The following SORCS1 variants were observed in gnomAD, a reference collection of about 807,000 sequenced individuals.
SORCS1 encodes VPS10 domain-containing receptor SorCS1.
Under a neutral mutation model 146.1 loss-of-function variants are expected in SORCS1, and 60 were observed. The observed-to-expected ratio is 0.41, with a 90% confidence interval of 0.33 to 0.51. The LOEUF (loss-of-function observed/expected upper bound fraction) is 0.51, where lower values mean the gene tolerates loss of function less well. Among genes scored for constraint, SORCS1 ranks in the 20% least tolerant of loss-of-function variants. The probability of loss-of-function intolerance (pLI) is 0.21; values close to 1 mark genes in which losing one functional copy is unlikely to be tolerated. For synonymous variants in SORCS1, 637 were observed against 584.0 expected (o/e 1.09, Z -1.31); for missense variants, 1,352 against 1,487.6 (o/e 0.91, Z 1.50).
At chr10:107,152,021 C>A (rs563985862) in intron 1 of SORCS1, among the ~76,000 whole-genome samples, 28 of 152,166 alleles carry the variant, frequency 1.8e-4, no homozygotes, top group Non-Finnish European at 3.2e-4. Context: ...GGACCAGGCC[C>A]AGAACCCACT....
chr10:107,006,439 C>G (rs1435386153), intron 1 of SORCS1, among the ~76,000 whole-genome samples: 1 of 152,092 alleles, frequency 6.6e-6, no homozygotes, highest in Non-Finnish European at 1.5e-5. Flanking sequence ...GTGAAAGAAC[C>G]CCAGAAGGGT....
intron 1 of SORCS1, among the ~76,000 whole-genome samples, chr10:107,014,672 T>C (rs1957824988): frequency 6.6e-6 from 1 of 152,170 alleles, no homozygotes; most frequent in Non-Finnish European, 1.5e-5. Flanking sequence ...AATTTAAAAA[T>C]GCTGGAGGTG....
rs142989939 is a variant in SORCS1 at position 106,591,104 on chromosome 10, T to C, written c.3265+6247A>G. 3.3e-4 allele frequency among the ~76,000 whole-genome samples: 50 copies of C among 152,286 alleles called. No homozygotes were observed. The East Asian group carries it at 7.3e-3, about 22-fold the overall frequency. ...GTGTGCAGTCCAAGGTACGTGACCA[T>C]GAGCTATGCCATGAAGTGAAGCTGC... On this transcript the variant is annotated intron_variant, in intron 24 of 25. Coordinates refer to ENST00000263054, the MANE Select transcript of SORCS1 (RefSeq NM_052918.5).
intron 5 of SORCS1, among the ~76,000 whole-genome samples, chr10:106,759,991 T>C (rs528963306): frequency 6.6e-6 from 1 of 152,292 alleles, no homozygotes; most frequent in East Asian, 1.9e-4. Flanking sequence ...TCTATCTATA[T>C]ATGTTAGGGA....
chr10:106,794,695 G>T (rs917147393), intron 3 of SORCS1, among the ~76,000 whole-genome samples: 4 of 151,918 alleles, frequency 2.6e-5, no homozygotes, highest in African/African-American at 9.7e-5. Context: ...AGTAGAGACG[G>T]GTTTTCACCG....
At chr10:106,781,203 A>G (rs1860868566) in intron 3 of SORCS1, among the ~76,000 whole-genome samples, 1 of 152,146 alleles carries the variant, frequency 6.6e-6, no homozygotes, top group South Asian at 2.1e-4. Flanking sequence ...TTTCCTAGAT[A>G]TGCTGTTCTT....
chr10:106,957,102 T>A (rs1457954005), intron 1 of SORCS1, among the ~76,000 whole-genome samples: 5 of 152,060 alleles, frequency 3.3e-5, no homozygotes, highest in Non-Finnish European at 7.4e-5. Flanking sequence ...AAAGAATTGC[T>A]GTTTGAAGTT....
intron 18 of SORCS1, among the ~76,000 whole-genome samples, chr10:106,639,749 T>C (rs1483563420): frequency 1.3e-5 from 2 of 152,184 alleles, no homozygotes; most frequent in East Asian, 3.9e-4. Flanking sequence ...GAGAAAACAG[T>C]TGAGGCATCT....
chr10:106,701,838 A>G (rs1437421736), intron 8 of SORCS1, among the ~76,000 whole-genome samples: 1 of 152,212 alleles, frequency 6.6e-6, no homozygotes, highest in Non-Finnish European at 1.5e-5. Context: ...TAGGTCCCCC[A>G]TGGAGTGGTG....
chr10:106,850,295 G>A (rs987584793), intron 2 of SORCS1, among the ~76,000 whole-genome samples: 3 of 152,176 alleles, frequency 2.0e-5, no homozygotes, highest in East Asian at 1.9e-4. Context: ...GTGGTGCGCC[G>A]TGTTTTAAGC....
At position 106,626,512 on chromosome 10, in the gene SORCS1, C is replaced by T. The variant is rs118123910; in HGVS notation, c.2662+2690G>A. Among the ~76,000 whole-genome samples, 91 of 152,312 alleles carry T rather than the reference C, an allele frequency of 6.0e-4. 1 individual carries two copies. The East Asian group carries it at 0.015, about 25-fold the overall frequency. ...CCATATCATGGCACTTTGGCATCCA[C>T]AGTCACTCATGACACCCTCCATCTT... is the stretch of plus-strand genomic sequence containing the variant. On this transcript the variant is annotated intron_variant, in intron 19 of 25. Transcript: ENST00000263054.
chr10:106,579,162 G>C (rs1844745420), intron 25 of SORCS1: 1 of 1,613,900 alleles, frequency 6.2e-7, no homozygotes, highest in Non-Finnish European at 8.5e-7. Context: ...AGGGACATTG[G>C]GCCTGCTTTC....
chr10:106,836,331 G>A (rs1017291302), intron 2 of SORCS1, among the ~76,000 whole-genome samples: 57 of 151,916 alleles, frequency 3.8e-4, no homozygotes, highest in African/African-American at 2.4e-4. Context: ...AAAATTAGCC[G>A]GGCATGGTGG....
intron 1 of SORCS1, among the ~76,000 whole-genome samples, chr10:107,063,725 A>G (rs1961459654): frequency 6.6e-6 from 1 of 152,206 alleles, no homozygotes; most frequent in Non-Finnish European, 1.5e-5. Context: ...TATGTTTAAC[A>G]ATTTATATGA....
chr10:106,690,043 C>T (rs755208934), intron 9 of SORCS1, among the ~76,000 whole-genome samples: 23 of 152,172 alleles, frequency 1.5e-4, no homozygotes, highest in Non-Finnish European at 2.6e-4. Flanking sequence ...TCAGTAGCAG[C>T]CAGACCAACT....
intron 5 of SORCS1, among the ~76,000 whole-genome samples, chr10:106,747,981 TTCAC>T (rs1857867076): frequency 1.3e-5 from 2 of 152,240 alleles, no homozygotes; most frequent in Non-Finnish European, 2.9e-5. Context: ...TCCTACATTT[TTCAC>T]TCACTCAGAA....
intron 1 of SORCS1, among the ~76,000 whole-genome samples, chr10:106,980,841 T>C (rs1477323607): frequency 6.6e-6 from 1 of 152,238 alleles, no homozygotes; most frequent in African/African-American, 2.4e-5. Context: ...TCACATGCTG[T>C]CAATAATTCA....
At chr10:106,861,584 T>C (rs1321954999) in intron 2 of SORCS1, among the ~76,000 whole-genome samples, 1 of 151,900 alleles carries the variant, frequency 6.6e-6, no homozygotes, top group Admixed American at 6.6e-5. Context: ...TCCCTTAAAT[T>C]TAAAATGGTT....
At chr10:107,168,970 T>A (rs997401356), upstream of SORCS1, among the ~76,000 whole-genome samples, 1 of 152,172 alleles carries the variant, frequency 6.6e-6, no homozygotes, top group African/African-American at 2.4e-5. Context: ...GCACTTTTTT[T>A]AGGCTGAGGG....
Sources: allele counts gnomAD v4.1 joint callset (sites outside exome capture counted in the v4.1 genomes callset), GRCh38; gene constraint gnomAD v4.1.1; transcripts MANE v1.5; gene names NCBI Gene and HGNC (gene_info 2026-07-23, HGNC 2026-07-21).